The following WBP1 variants were observed in gnomAD, a reference collection of about 807,000 sequenced individuals.
WBP1 encodes WW domain binding protein 1, also known as WW domain-binding protein 1.
WBP1 carries 18 observed loss-of-function variants against 25.6 expected under a neutral mutation model. The observed-to-expected ratio is 0.70, with a 90% CI of 0.49 to 1.04. The LOEUF (loss-of-function observed/expected upper bound fraction) is 1.04, where lower values mean the gene tolerates loss of function less well. Among genes scored for constraint, WBP1 ranks in the 50% least tolerant of loss-of-function variants. WBP1 has a pLI of 0.00. For synonymous variants in WBP1, 122 were observed against 137.7 expected (o/e 0.89, Z 0.80); for missense variants, 330 against 352.9 (o/e 0.94, Z 0.52).
chr2:74,460,721 A>G lies in WBP1; in HGVS notation c.*40A>G. ...GTGGATGGGTTACTTGCCCACCAGA[A>G]ACAGCCCTAGTCCCAACTCCTTGCG... is the stretch of plus-strand genomic sequence containing the variant. On this transcript the variant is annotated 3_prime_UTR_variant, in exon 4 of 4. Transcript: ENST00000233615. 1 of 1,498,544 alleles carries G rather than the reference A, an allele frequency of 6.7e-7. No homozygotes were observed. Among genetic ancestry groups the G allele is most frequent in the Non-Finnish European group, 9.0e-7 (1 of 1,112,494 alleles). 92.8% of individuals were successfully genotyped at this position (1,498,544 alleles called of 1,614,324 possible).
In WBP1 at chr2:74,459,990, C is replaced by T; in HGVS notation, c.290C>T (p.Ala97Val). Residue 97 changes from alanine to valine, a missense_variant, in exon 3 of 4, where the codon GCC becomes GTC. Ala to Val is a moderately conservative substitution (Grantham distance 64). Coordinates refer to ENST00000233615, the MANE Select transcript of WBP1 (RefSeq NM_012477.4). ...QQRQREINLL[A>V]YHGACHGAGP... ...CGGCAGCGTGAAATCAACTTGTTGGCCTATCATGGGGCATGCCATGGGGCT... is the reference window on the plus strand; with the variant it reads ...CGGCAGCGTGAAATCAACTTGTTGGTCTATCATGGGGCATGCCATGGGGCT... 1 of 1,614,142 alleles carries T rather than the reference C, an allele frequency of 6.2e-7. No homozygotes were observed. Among genetic ancestry groups the T allele is most frequent in the South Asian group, 1.1e-5 (1 of 91,086 alleles).
At chr2:74,459,066 G>A in intron 1 of WBP1, 1 of 1,549,780 alleles carries the variant, frequency 6.5e-7, no homozygotes, top group Non-Finnish European at 8.7e-7. Context: ...CGCCCTGGAT[G>A]CCATCCTTTA....
intron 1 of WBP1, chr2:74,459,246 A>T: frequency 1.9e-6 from 2 of 1,080,666 alleles, no homozygotes; most frequent in South Asian, 3.2e-5. Flanking sequence ...ACCTACCGCT[A>T]CCCGTTGTCT....
intron 1 of WBP1, chr2:74,459,375 T>A (rs1671820217): frequency 4.7e-6 from 3 of 632,876 alleles, no homozygotes; most frequent in Non-Finnish European, 8.4e-6. Flanking sequence ...GTGAAGGAAG[T>A]CTCATATATG....
At position 74,460,470 on chromosome 2, in the gene WBP1, C is replaced by A. The variant is rs1671867641; in HGVS notation, c.599C>A (p.Pro200His). The change falls in exon 4 of 4, where the codon CCC (proline) becomes CAC (histidine). Residue 200 changes from proline (P) to histidine (H), a missense_variant. Pro to His is a moderately conservative substitution (Grantham distance 77, BLOSUM62 -2). Transcript: ENST00000233615. The stretch of plus-strand genomic sequence containing the variant: ...GCAGGGGTGACCCCTGCCTCCACAC[C>A]CCCCTCCTGCCGCTATCGCCGTTTA... The part of the protein sequence containing the change: ...PGAGVTPAST[P>H]PSCRYRRLTG... The A allele has an allele frequency of 2.5e-6, 4 of 1,613,348 alleles. No homozygotes were observed. Among genetic ancestry groups the A allele is most frequent in the South Asian group, 1.1e-5 (1 of 91,070 alleles).
intron 1 of WBP1, 41 bp from the exon 2 acceptor site, chr2:74,459,602 G>A: frequency 6.3e-7 from 1 of 1,595,198 alleles, no homozygotes; most frequent in South Asian, 1.1e-5. Flanking sequence ...AGTGCCCTGG[G>A]CTGGAATCCC....
intron 1 of WBP1, chr2:74,459,001 C>T: frequency 6.4e-7 from 1 of 1,550,548 alleles, no homozygotes; most frequent in Non-Finnish European, 8.7e-7. Flanking sequence ...CAACAGAGTC[C>T]GGCAGCGTCT....
chr2:74,459,371 G>A, intron 1 of WBP1: 4 of 636,290 alleles, frequency 6.3e-6, no homozygotes, highest in Non-Finnish European at 8.4e-6. Flanking sequence ...GAGTGTGAAG[G>A]AAGTCTCATA....
In WBP1 at chr2:74,458,672, G is replaced by T. The variant is rs1205607485; in HGVS notation, c.69+1G>T. 4 of 1,573,342 alleles carry T rather than the reference G, an allele frequency of 2.5e-6. No individual in the cohort carries two copies. ...GGCACTTCGGGCGCCGCAACAGCAG[G>T]TATCCCAATAGCTCCAAAACCTATC... On this transcript the variant is annotated splice_donor_variant, in intron 1 of 3. Coordinates refer to ENST00000233615, the MANE Select transcript of WBP1 (RefSeq NM_012477.4). LOFTEE classifies it high-confidence loss of function.
rs549581474 is a variant in WBP1, at chr2:74,459,845, T to C, written c.173-28T>C. The C allele has an allele frequency of 1.6e-5, 26 of 1,611,584 alleles. No individual in the cohort carries two copies. The African/African-American group carries it at 3.3e-4, about 21-fold the overall frequency. ...GCCCCTTCTCTGCATGAAAGATGCC[T>C]GAGTTGCTCCCTCCTTGCCTCTTGC... On this transcript the variant is annotated intron_variant, in intron 2 of 3. Transcript: ENST00000233615.
Position 74,460,287 on chromosome 2 carries a change from C to G in WBP1, c.416C>G (p.Pro139Arg), listed in dbSNP as rs142859048. 10 of 1,614,008 alleles carry G rather than the reference C, an allele frequency of 6.2e-6. No individual in the cohort carries two copies. Among genetic ancestry groups the G allele is most frequent in the East Asian group, 2.2e-5 (1 of 44,894 alleles). The part of the protein sequence containing the change: ...DVVHRPGTPP[P>R]PYTVAPGRPL... ...GTTCACCGCCCAGGCACACCACCCCCCCCTTATACTGTGGCCCCAGGCCGC... is the reference window on the plus strand; with the variant it reads ...GTTCACCGCCCAGGCACACCACCCCGCCCTTATACTGTGGCCCCAGGCCGC... Residue 139 changes from proline (P) to arginine (R), a missense_variant, in exon 4 of 4, where the codon CCC (proline) becomes CGC (arginine). Transcript: ENST00000233615.
Position 74,460,359 on chromosome 2 carries a change from G to T in WBP1, c.488G>T (p.Ser163Ile), listed in dbSNP as rs377511681. The change falls in exon 4 of 4, where the codon AGC becomes ATC. Residue 163 changes from serine to isoleucine, a missense_variant. Coordinates refer to ENST00000233615, the MANE Select transcript of WBP1 (RefSeq NM_012477.4). ...CAAACCTGCTGTTCCTCCTCATCCA[G>T]CTGCCCTGCCCACTTTGAAGGAACA... ...SEQTCCSSSS[S>I]CPAHFEGTNV... is the part of the protein sequence containing the mutation. 1.2e-6 allele frequency: 2 copies of T among 1,613,620 alleles called. No homozygotes were observed. The highest frequency in any genetic ancestry group is 2.7e-5 in the African/African-American group (2 of 74,688).
intron 1 of WBP1, chr2:74,459,335 T>C: frequency 2.3e-6 from 1 of 443,666 alleles, no homozygotes; most frequent in South Asian, 3.1e-5. Context: ...GGGATGGGGG[T>C]AGGGGGGTTG....
At chr2:74,459,391 C>A in intron 1 of WBP1, 1 of 629,606 alleles carries the variant, frequency 1.6e-6, no homozygotes, top group Non-Finnish European at 2.8e-6. Flanking sequence ...ATATGCAGAG[C>A]TGAAATCTCC....
chr2:74,458,925 G>A (rs1671798044), intron 1 of WBP1: 1 of 1,550,956 alleles, frequency 6.4e-7, no homozygotes, highest in Non-Finnish European at 8.7e-7. Flanking sequence ...GCATAGTGAG[G>A]TCCCAGGGAG....
chr2:74,459,610 C>T, intron 1 of WBP1, 33 bp from the exon 2 acceptor site: 3 of 1,602,960 alleles, frequency 1.9e-6, no homozygotes, highest in South Asian at 2.2e-5. Flanking sequence ...GGGCTGGAAT[C>T]CCCCTTAGTT....
chr2:74,458,870 C>T (rs1183333897), intron 1 of WBP1, 199 bp downstream of exon 1: 11 of 1,550,580 alleles, frequency 7.1e-6, no homozygotes, highest in South Asian at 1.2e-5. Context: ...AGAACCCATC[C>T]CATGGCTGCA....
At position 74,458,566 on chromosome 2, in the gene WBP1, A is replaced by G. The variant is rs1474987762; in HGVS notation, c.-37A>G. ...GCAGGGGCGGGGCGGCTGGCGGTAG[A>G]GGAGGCTGTGGTCCTCAGGGGGCTG... On this transcript the variant is annotated 5_prime_UTR_variant, in exon 1 of 4. Transcript: ENST00000233615. 6.5e-7 allele frequency: 1 copy of G among 1,532,956 alleles called. No individual in the cohort carries two copies. The allele number at this position is 1,532,956 out of a possible 1,614,324, so 95.0% of individuals were successfully genotyped here.
At chr2:74,459,540 C>G in intron 1 of WBP1, 103 bp from the exon 2 acceptor site, 1 of 1,069,488 alleles carries the variant, frequency 9.4e-7, no homozygotes, top group South Asian at 1.4e-5. Context: ...CCAAGCTGAA[C>G]TTGGTTCACA....
Sources: allele counts gnomAD v4.1 joint callset, GRCh38; gene constraint gnomAD v4.1.1; transcripts MANE v1.5; gene names NCBI Gene and HGNC (gene_info 2026-07-23, HGNC 2026-07-21).